DPH6: variants seen among roughly 807,000 people sequenced by gnomAD.
The protein encoded by DPH6 is diphthine--ammonia ligase.
A neutral mutation model predicts 38.2 loss-of-function variants in DPH6; 33 were observed. The ratio of observed to expected loss-of-function variants is 0.86; its 90% confidence interval spans 0.65 to 1.15. DPH6 has a LOEUF of 1.15. Among genes scored for constraint, DPH6 ranks in the 50% most tolerant of loss-of-function variants. The pLI, the probability that DPH6 is intolerant of heterozygous loss-of-function variation, is 0.00. For synonymous variants in DPH6, 108 were observed against 103.0 expected, an observed-to-expected ratio of 1.05 and a Z score of -0.30; for missense variants, 325 against 320.0, an observed-to-expected ratio of 1.02 and a Z score of -0.12.
intron 3 of DPH6, among the ~76,000 whole-genome samples, chr15:35,317,590 C>CAAAAAAAAAAAAAAA (rs79613862): frequency 1.4e-5 from 1 of 73,770 alleles, no homozygotes; most frequent in African/African-American, 4.3e-5. Flanking sequence ...TTCTGCTGGA[C>CAAAAAAAAAAAAAAA]AAAAAAAAAA....
At chr15:35,502,254 T>C (rs1403811572) in intron 3 of DPH6, among the ~76,000 whole-genome samples, 2 of 152,088 alleles carry the variant, frequency 1.3e-5, no homozygotes, top group South Asian at 2.1e-4. Context: ...AGTTGGGAGA[T>C]GGCTACTGAG....
At chr15:35,250,051 A>G (rs1360126504) in intron 3 of DPH6, among the ~76,000 whole-genome samples, 2 of 151,744 alleles carry the variant, frequency 1.3e-5, no homozygotes, top group African/African-American at 2.4e-5. Context: ...GGTGGTGGGC[A>G]CCTGTAGTCT....
chr15:35,177,302 C>T, the DPH6 span, among the ~76,000 whole-genome samples: 2,202 of 151,910 alleles, frequency 0.014, 68 homozygotes, highest in African/African-American at 0.051. Context: ...GGGCCATGCA[C>T]GGTGGCTCCA....
chr15:35,519,272 T>C (rs1384678055), intron 3 of DPH6: 1 of 151,986 alleles, frequency 6.6e-6, no homozygotes. Context: ...AATAATGTCA[T>C]GTATAACGAC....
At chr15:35,399,495 G>A (rs932925793) in intron 6 of DPH6, among the ~76,000 whole-genome samples, 2 of 152,070 alleles carry the variant, frequency 1.3e-5, no homozygotes, top group African/African-American at 2.4e-5. Flanking sequence ...ATAATTCAAG[G>A]CAACTTCCCA....
chr15:35,419,442 C>T (rs968109966), intron 5 of DPH6, among the ~76,000 whole-genome samples: 1 of 152,066 alleles, frequency 6.6e-6, no homozygotes, highest in Non-Finnish European at 1.5e-5. Flanking sequence ...GTTATCTCAA[C>T]ACGTGACTTC....
chr15:35,469,107 G>A (rs1191727826), intron 3 of DPH6, among the ~76,000 whole-genome samples: 1 of 141,974 alleles, frequency 7.0e-6, no homozygotes, highest in African/African-American at 3.0e-5. Context: ...AACAACAACA[G>A]GCCAGGCAGA....
chr15:35,409,075 A>T (rs2053331385), intron 6 of DPH6, among the ~76,000 whole-genome samples: 1 of 151,848 alleles, frequency 6.6e-6, no homozygotes, highest in Admixed American at 6.6e-5. Flanking sequence ...GACAGGTGTG[A>T]ATGGGATCCA....
chr15:35,528,520 T>C (rs1417047546), intron 3 of DPH6, among the ~76,000 whole-genome samples: 3 of 152,130 alleles, frequency 2.0e-5, no homozygotes, highest in East Asian at 1.9e-4. Context: ...CTCTAGAATG[T>C]CCCCTTTTCA....
intron 3 of DPH6, among the ~76,000 whole-genome samples, chr15:35,336,856 T>C (rs1273019354): frequency 6.6e-6 from 1 of 152,180 alleles, no homozygotes; most frequent in African/African-American, 2.4e-5. Context: ...GCCAGTATTT[T>C]ATTGAGGATT....
chr15:35,172,218 T>C, the DPH6 span, among the ~76,000 whole-genome samples: 5 of 152,316 alleles, frequency 3.3e-5, no homozygotes, highest in Admixed American at 2.6e-4. Flanking sequence ...TTTGTGTACA[T>C]TGAACCACCA....
chr15:35,348,135 C>A (rs948019097), intron 3 of DPH6, among the ~76,000 whole-genome samples: 3 of 152,032 alleles, frequency 2.0e-5, no homozygotes, highest in Non-Finnish European at 4.4e-5. Context: ...ATTTGCTGCA[C>A]CAAAGTTTTA....
chr15:35,360,352 G>A (rs1290357398), intron 3 of DPH6, among the ~76,000 whole-genome samples: 2 of 152,138 alleles, frequency 1.3e-5, no homozygotes, highest in Admixed American at 6.5e-5. Flanking sequence ...ACTACCTCTG[G>A]AACCATGGTC....
downstream of DPH6, among the ~76,000 whole-genome samples, chr15:35,327,108 C>T (rs1356438585): frequency 6.6e-6 from 1 of 152,086 alleles, no homozygotes; most frequent in African/African-American, 2.4e-5. Context: ...TATAAAATGT[C>T]CAAATTTCCA....
chr15:35,418,194 G>A (rs186689720), intron 5 of DPH6, among the ~76,000 whole-genome samples: 147 of 152,142 alleles, frequency 9.7e-4, no homozygotes, highest in African/African-American at 3.4e-3. Context: ...TGGAATGTGA[G>A]TCTTTATGTA....
chr15:35,501,756 G>T (rs995759055), intron 3 of DPH6, among the ~76,000 whole-genome samples: 4 of 152,016 alleles, frequency 2.6e-5, no homozygotes, highest in Non-Finnish European at 5.9e-5. Flanking sequence ...AAATGTAGAA[G>T]GTCATTCTGA....
intron 3 of DPH6, among the ~76,000 whole-genome samples, chr15:35,467,280 C>G (rs988299041): frequency 6.6e-6 from 1 of 151,872 alleles, no homozygotes; most frequent in Non-Finnish European, 1.5e-5. Context: ...AACTAAGACC[C>G]AAGACTGGAT....
At chr15:35,449,561 A>G (rs2053903624) in intron 5 of DPH6, among the ~76,000 whole-genome samples, 1 of 152,154 alleles carries the variant, frequency 6.6e-6, no homozygotes, top group Non-Finnish European at 1.5e-5. Flanking sequence ...TAGAAAATTC[A>G]AAGAGAGAGT....
chr15:35,342,985 T>C (rs953098523), intron 3 of DPH6, among the ~76,000 whole-genome samples: 1 of 152,210 alleles, frequency 6.6e-6, no homozygotes, highest in East Asian at 1.9e-4. Flanking sequence ...CTCACTGTGA[T>C]TGTATTGAAG....
Sources: allele counts gnomAD v4.1 joint callset (sites outside exome capture counted in the v4.1 genomes callset), GRCh38; gene constraint gnomAD v4.1.1; transcripts MANE v1.5; gene names NCBI Gene and HGNC (gene_info 2026-07-23, HGNC 2026-07-21).